The following TRIM10 variants were observed in gnomAD, a reference collection of about 807,000 sequenced individuals.
TRIM10 encodes the protein tripartite motif-containing protein 10.
TRIM10 carries 42 observed loss-of-function variants against 40.0 expected under a neutral mutation model. That is an observed-to-expected ratio of 1.05 (90% CI 0.82 to 1.36). The LOEUF (loss-of-function observed/expected upper bound fraction) is 1.36. Ranked by LOEUF, TRIM10 falls within the 40% of genes most tolerant of loss-of-function variation. The probability of loss-of-function intolerance (pLI) is 0.00; values close to 1 mark genes in which losing one functional copy is unlikely to be tolerated. For synonymous variants in TRIM10, 260 were observed against 239.5 expected (o/e 1.09, Z -0.79); for missense variants, 601 against 608.3 (o/e 0.99, Z 0.13).
chr6:30,151,968 T>C lies in TRIM10; in HGVS notation c.*2001A>G, dbSNP rs1242747602. The C allele has an allele frequency of 1.3e-5, 2 of 152,244 alleles. No homozygotes were observed. The highest frequency in any genetic ancestry group is 2.4e-5 in the African/African-American group (1 of 41,462). The allele number at this position is 152,244 out of a possible 1,614,324, so 9.4% of individuals were successfully genotyped here. A position where few individuals can be genotyped will look rare whatever the true frequency, so the allele number is the denominator to read the frequency against. ...TGTTTTCACTTATGAGCAGTTTTAT[T>C]TCTCAGTGTAAGACATATAAATTGT... is the stretch of plus-strand genomic sequence containing the variant. On this transcript the variant is annotated 3_prime_UTR_variant, in exon 7 of 7. Coordinates refer to ENST00000449742, the MANE Select transcript of TRIM10 (RefSeq NM_006778.4).
chr6:30,161,021 AG>A lies in TRIM10; in HGVS notation c.-164del. 1.4e-6 allele frequency: 1 copy of A among 707,394 alleles called. No individual in the cohort carries two copies. The highest frequency in any genetic ancestry group is 2.3e-6 in the Non-Finnish European group (1 of 435,982). 43.8% of individuals were successfully genotyped at this position (707,394 alleles called of 1,614,324 possible). On this transcript the variant is annotated 5_prime_UTR_variant, in exon 1 of 7. Transcript: ENST00000449742. ...ATCGTCACACACTTGCATCTCTGGC[AG>A]CCAGGGTTCTATTCTCCTGCCAACA...
chr6:30,162,359 C>T (rs1475937531), upstream of TRIM10, among the ~76,000 whole-genome samples: 1 of 151,814 alleles, frequency 6.6e-6, no homozygotes, highest in East Asian at 1.9e-4. Flanking sequence ...ATACAGCATG[C>T]CGCCATTCAG....
rs200593816 is a variant in TRIM10 at position 30,154,101 on chromosome 6, C to G, written c.1314G>C (p.Glu438Asp). 759 of 1,613,058 alleles carry G rather than the reference C, an allele frequency of 4.7e-4. 1 individual carries two copies. The highest frequency in any genetic ancestry group is 6.2e-4 in the Non-Finnish European group (731 of 1,180,012). ...CGTTGGTGAAGGTCACCCAGCCCAC[C>G]TCATAGTCAAGAGACACCCTCACCT... The part of the protein sequence containing the change: ...PRQVRVSLDY[E>D]VGWVTFTNAV... Residue 438 changes from glutamate (E) to aspartate (D), a missense_variant, in exon 7 of 7, where the codon GAG becomes GAC. Coordinates refer to ENST00000449742, the MANE Select transcript of TRIM10 (RefSeq NM_006778.4).
rs1171203612 is a variant in TRIM10 at position 30,152,319 on chromosome 6, A to G, written c.*1650T>C. On this transcript the variant is annotated 3_prime_UTR_variant, in exon 7 of 7. Coordinates refer to ENST00000449742, the MANE Select transcript of TRIM10 (RefSeq NM_006778.4). ...GGATAATAGTCCTTTCAAAAGACAC[A>G]GCTAAAGCCAATAAAAATAAACAAA... The G allele has an allele frequency of 6.7e-6, 1 of 150,108 alleles. No homozygotes were observed. Among genetic ancestry groups the G allele is most frequent in the Admixed American group, 6.7e-5 (1 of 14,898 alleles). 9.3% of individuals were successfully genotyped at this position (150,108 alleles called of 1,614,324 possible). A position where few individuals can be genotyped will look rare whatever the true frequency, so the allele number is the denominator to read the frequency against.
intron 3 of TRIM10, 48 bp from the exon 4 acceptor site, chr6:30,157,439 A>G (rs1362964915): frequency 2.6e-6 from 4 of 1,547,624 alleles, no homozygotes; most frequent in African/African-American, 1.4e-5. Context: ...TCTCCTTTCC[A>G]TTTTTCTTTC....
intron 5 of TRIM10, chr6:30,156,664 C>T (rs1772558656): frequency 3.8e-6 from 2 of 526,840 alleles, no homozygotes; most frequent in African/African-American, 3.8e-5. Context: ...TAATCATTAT[C>T]TTTCATATTG....
chr6:30,153,950 A>T lies in TRIM10; in HGVS notation c.*19T>A, dbSNP rs775528194. ...GATATGAGTCCTGTACTTAGAGGAG[A>T]GTAGGTAACTGCTCCTTCTCAGGAG... On this transcript the variant is annotated 3_prime_UTR_variant, in exon 7 of 7. Transcript: ENST00000449742. 5 of 1,583,508 alleles carry T rather than the reference A, an allele frequency of 3.2e-6. No homozygotes were observed. The African/African-American group carries it at 6.7e-5, about 21-fold the overall frequency.
At chr6:30,159,087 A>C (rs1772840976) in intron 2 of TRIM10, 63 bp downstream of exon 2, 1 of 1,082,414 alleles carries the variant, frequency 9.2e-7, no homozygotes, top group African/African-American at 1.6e-5. Context: ...ATGTTGCCTC[A>C]GTTTCAGGAA....
chr6:30,163,602 A>C, upstream of TRIM10: 1 of 1,475,528 alleles, frequency 6.8e-7, no homozygotes, highest in Non-Finnish European at 9.1e-7. Flanking sequence ...TCTGCGATTC[A>C]TGTAAGTGTG....
Position 30,159,139 on chromosome 6 carries a change from T to A in TRIM10, c.525+11A>T. On this transcript the variant is annotated intron_variant, in intron 2 of 6. Transcript: ENST00000449742. ...GAAGGGGAGGAACCTGGGGAAGGGG[T>A]GATGACTTACCAGGAGGACTTGCAT... is the stretch of plus-strand genomic sequence containing the variant. 1 of 1,584,584 alleles carries A rather than the reference T, an allele frequency of 6.3e-7. No homozygotes were observed. The highest frequency in any genetic ancestry group is 8.7e-7 in the Non-Finnish European group (1 of 1,154,284).
At chr6:30,163,375 C>A, upstream of TRIM10, 1 of 486,266 alleles carries the variant, frequency 2.1e-6, no homozygotes. Flanking sequence ...CCCTAGGGAC[C>A]AGAAGGAGCC....
chr6:30,154,613 T>C lies in TRIM10; in HGVS notation c.929-127A>G, dbSNP rs1772355651. The C allele has an allele frequency of 8.1e-6, 10 of 1,239,156 alleles. No individual in the cohort carries two copies. In the South Asian group the frequency reaches 1.3e-4, roughly 16 times the overall value. 76.8% of individuals were successfully genotyped at this position (1,239,156 alleles called of 1,614,324 possible). On this transcript the variant is annotated intron_variant, in intron 6 of 6. Transcript: ENST00000449742. ...ACCAAAAACATGTATAGTGCCTACG[T>C]GGGCCAACAGTGTGGAACCACCTGG...
upstream of TRIM10, among the ~76,000 whole-genome samples, chr6:30,163,006 G>C (rs574281212): frequency 8.5e-5 from 13 of 152,126 alleles, no homozygotes; most frequent in Middle Eastern, 3.4e-3. Context: ...GAACCCCAAA[G>C]GGGACTGTTG....
In TRIM10 at chr6:30,154,259, C is replaced by G. The variant is rs778561415; in HGVS notation, c.1156G>C (p.Glu386Gln). Residue 386 changes from glutamate (E) to glutamine (Q), a missense_variant, in exon 7 of 7, where the codon GAG (glutamate) becomes CAG (glutamine). By Grantham distance (29) the Glu-to-Gln change is conservative. Transcript: ENST00000449742. ...GGSCTVGVVS[E>Q]DVQRKGELRL... ...AGCTCCCCCTTCCGCTGCACATCCT[C>G]GCTCACCACGCCCACGGTGCAGCTG... The G allele has an allele frequency of 1.2e-6, 2 of 1,612,936 alleles. No homozygotes were observed. Among genetic ancestry groups the G allele is most frequent in the African/African-American group, 1.3e-5 (1 of 74,938 alleles).
Position 30,154,169 on chromosome 6 carries a change from C to T in TRIM10, c.1246G>A (p.Gly416Ser). The T allele has an allele frequency of 6.2e-7, 1 of 1,612,238 alleles. No individual in the cohort carries two copies. Among genetic ancestry groups the T allele is most frequent in the East Asian group, 2.2e-5 (1 of 44,858 alleles). ...RLAWGFVSAL[G>S]SFPTRLTLKE... The stretch of plus-strand genomic sequence containing the variant: ...AGGGTCAGCCGTGTGGGGAAGGAGC[C>T]CAGAGCCGAGACGAAGCCCCAAGCC... Residue 416 changes from glycine to serine, a missense_variant, in exon 7 of 7, where the codon GGC becomes AGC. By Grantham distance (56) the Gly-to-Ser change is moderately conservative (BLOSUM62 0). Coordinates refer to ENST00000449742, the MANE Select transcript of TRIM10 (RefSeq NM_006778.4).
Position 30,160,431 on chromosome 6 carries a change from C to G in TRIM10, c.428G>C (p.Arg143Thr). The change falls in exon 1 of 7, where the codon AGG (arginine) becomes ACG (threonine). Residue 143 changes from arginine to threonine, a missense_variant and splice_region_variant. By Grantham distance (71) the Arg-to-Thr change is moderately conservative (BLOSUM62 -1). Transcript: ENST00000449742. The part of the protein sequence containing the change: ...RFLEDAAAPY[R>T]EQIHKCLKCL... ...GATCCCCCAGTTCCCCTTTCCTACC[C>G]TATAGGGAGCCGCTGCATCCTCCAG... 6.2e-7 allele frequency: 1 copy of G among 1,613,202 alleles called. No homozygotes were observed. Among genetic ancestry groups the G allele is most frequent in the Non-Finnish European group, 8.5e-7 (1 of 1,179,498 alleles).
Position 30,160,797 on chromosome 6 carries a change from C to A in TRIM10, c.62G>T (p.Gly21Val), listed in dbSNP as rs1040323510. The A allele has an allele frequency of 1.9e-6, 3 of 1,613,818 alleles. No individual in the cohort carries two copies. Among genetic ancestry groups the A allele is most frequent in the African/African-American group, 1.3e-5 (1 of 74,890 alleles). Residue 21 changes from glycine to valine, a missense_variant, in exon 1 of 7, where the codon GGT (glycine) becomes GTT (valine). Coordinates refer to ENST00000449742, the MANE Select transcript of TRIM10 (RefSeq NM_006778.4). ...ADEVNCPICQ[G>V]TLREPVTIDC... ...GATAGTGACCGGCTCCCTCAGGGTACCCTGACAGATGGGGCAGTTGACTTC... is the reference window on the plus strand; with the variant it reads ...GATAGTGACCGGCTCCCTCAGGGTAACCTGACAGATGGGGCAGTTGACTTC...
Position 30,153,079 on chromosome 6 carries a change from T to G in TRIM10, c.*890A>C, listed in dbSNP as rs2127434202. 1 of 153,506 alleles carries G rather than the reference T, an allele frequency of 6.5e-6. No individual in the cohort carries two copies. Among genetic ancestry groups the G allele is most frequent in the Admixed American group, 6.5e-5 (1 of 15,484 alleles). 9.5% of individuals were successfully genotyped at this position (153,506 alleles called of 1,614,324 possible). ...CTTATGTCCTCCTGCCCCCAGGCCC[T>G]GCACCTTAATCTCACCCAGAAGTGG... On this transcript the variant is annotated 3_prime_UTR_variant, in exon 7 of 7. Coordinates refer to ENST00000449742, the MANE Select transcript of TRIM10 (RefSeq NM_006778.4).
chr6:30,160,975 TA>T lies in TRIM10; in HGVS notation c.-118del, dbSNP rs1412981684. 1.0e-6 allele frequency: 1 copy of T among 1,003,260 alleles called. No individual in the cohort carries two copies. Among genetic ancestry groups the T allele is most frequent in the Non-Finnish European group, 1.4e-6 (1 of 702,400 alleles). 62.1% of individuals were successfully genotyped at this position (1,003,260 alleles called of 1,614,324 possible). On this transcript the variant is annotated 5_prime_UTR_variant, in exon 1 of 7. An upstream open reading frame in the 5' UTR gains an earlier in-frame stop. Transcript: ENST00000449742. Reference sequence around the variant, plus strand: ...CACATGGCTGGACACAGGCACATACTAAATATGCACCAGCACCCATATCGTC... The same window carrying T: ...CACATGGCTGGACACAGGCACATACTAATATGCACCAGCACCCATATCGTC...
Sources: gnomAD v4.1 joint callset for allele counts (sites outside exome capture counted in the v4.1 genomes callset) on GRCh38, gnomAD v4.1.1 for gene constraint, MANE v1.5 for transcripts, NCBI Gene and HGNC (gene_info 2026-07-23, HGNC 2026-07-21) for gene names.